MYO18B: variants seen among roughly 807,000 people sequenced by gnomAD.
MYO18B encodes unconventional myosin-XVIIIb.
In MYO18B, 204 loss-of-function variants were observed where a neutral mutation model predicts 273.0. The observed-to-expected ratio is 0.75, with a 90% confidence interval of 0.67 to 0.84. The LOEUF (loss-of-function observed/expected upper bound fraction) is 0.84, where lower values mean the gene tolerates loss of function less well. MYO18B is among the 40% of genes least tolerant of loss of function. The pLI, the probability that MYO18B is intolerant of heterozygous loss-of-function variation, is 0.00. For missense variants in MYO18B, 3,212 were observed against 3,287.6 expected, an observed-to-expected ratio of 0.98 and a Z score of 0.56; for synonymous variants, 1,330 against 1,305.7, an observed-to-expected ratio of 1.02 and a Z score of -0.40.
intron 39 of MYO18B, among the ~76,000 whole-genome samples, chr22:25,960,317 A>G (rs1310059152): frequency 6.6e-6 from 1 of 152,000 alleles, no homozygotes; most frequent in African/African-American, 2.4e-5. Context: ...CAGTAGTTAC[A>G]GGGCCCGGGG....
chr22:25,938,147 G>C (rs1364725512), intron 34 of MYO18B, among the ~76,000 whole-genome samples: 1 of 151,976 alleles, frequency 6.6e-6, no homozygotes, highest in Non-Finnish European at 1.5e-5. Context: ...CAGAAATCCA[G>C]GTTCTAACCA....
At chr22:26,042,635 G>A in the MYO18B span, among the ~76,000 whole-genome samples, 11 of 152,330 alleles carry the variant, frequency 7.2e-5, no homozygotes, top group African/African-American at 2.4e-4. Context: ...GCTAAAGGCT[G>A]TAAATATCAG....
At chr22:25,977,272 G>T (rs1024774111) in intron 39 of MYO18B, among the ~76,000 whole-genome samples, 1 of 146,218 alleles carries the variant, frequency 6.8e-6, no homozygotes, top group African/African-American at 2.6e-5. Context: ...GGGGTGATCC[G>T]ATTTTCCAAC....
chr22:25,921,726 G>GTGTGTGTGTGTGTGTA (rs2092346765), intron 34 of MYO18B, among the ~76,000 whole-genome samples: 6 of 146,208 alleles, frequency 4.1e-5, no homozygotes, highest in South Asian at 2.2e-4. Flanking sequence ...GTGTGTGTGT[G>GTGTGTGTGTGTGTGTA]TGTGTGTGTG....
At chr22:25,847,222 T>G (rs1055340259) in intron 19 of MYO18B, among the ~76,000 whole-genome samples, 1 of 152,208 alleles carries the variant, frequency 6.6e-6, no homozygotes, top group African/African-American at 2.4e-5. Flanking sequence ...TCACTTGCTC[T>G]CTCCATGCCT....
At chr22:25,947,962 G>A in intron 36 of MYO18B, 134 bp downstream of exon 36, 1 of 672,252 alleles carries the variant, frequency 1.5e-6, no homozygotes. Flanking sequence ...GAGATAGTTA[G>A]GAATTGTGCA....
intron 33 of MYO18B, among the ~76,000 whole-genome samples, chr22:25,912,815 G>T (rs1453458977): frequency 6.6e-6 from 1 of 152,130 alleles, no homozygotes; most frequent in African/African-American, 2.4e-5. Flanking sequence ...ATTCCCCGGG[G>T]TTTGAGGTGT....
At chr22:25,936,401 G>A (rs758306106) in intron 34 of MYO18B, among the ~76,000 whole-genome samples, 9 of 152,150 alleles carry the variant, frequency 5.9e-5, no homozygotes, top group Non-Finnish European at 1.3e-4. Flanking sequence ...GTGAAAGGAG[G>A]CCTGCTTTAC....
intron 34 of MYO18B, among the ~76,000 whole-genome samples, chr22:25,943,629 T>G (rs1015172778): frequency 1.3e-5 from 2 of 151,904 alleles, no homozygotes; most frequent in Non-Finnish European, 2.9e-5. Flanking sequence ...TGTCTCTGCC[T>G]CAGGGCCTTT....
At chr22:26,045,854 G>A in the MYO18B span, among the ~76,000 whole-genome samples, 1 of 152,336 alleles carries the variant, frequency 6.6e-6, no homozygotes, top group Non-Finnish European at 1.5e-5. Flanking sequence ...AAGCACATGA[G>A]CAATAAACAG....
intron 12 of MYO18B, among the ~76,000 whole-genome samples, chr22:25,820,998 A>G (rs1569067512): frequency 6.6e-6 from 1 of 152,182 alleles, no homozygotes; most frequent in Non-Finnish European, 1.5e-5. Flanking sequence ...GCCATGAATG[A>G]CAAGACTTCA....
chr22:25,788,751 A>G (rs1160549766), intron 11 of MYO18B, among the ~76,000 whole-genome samples: 3 of 151,934 alleles, frequency 2.0e-5, no homozygotes, highest in Non-Finnish European at 2.9e-5. Flanking sequence ...CCCCCGTACT[A>G]TGATTAATTC....
chr22:26,036,034 C>T (rs1936771384), downstream of MYO18B, among the ~76,000 whole-genome samples: 1 of 152,232 alleles, frequency 6.6e-6, no homozygotes, highest in Non-Finnish European at 1.5e-5. Flanking sequence ...TAAGGCTCTG[C>T]ATTCTTTCCC....
At chr22:26,043,603 C>A in the MYO18B span, among the ~76,000 whole-genome samples, 1 of 150,782 alleles carries the variant, frequency 6.6e-6, no homozygotes, top group Non-Finnish European at 1.5e-5. Context: ...CTCTGCCTCC[C>A]GGGTTCTTGC....
chr22:26,003,572 T>A (rs76777683), intron 41 of MYO18B, among the ~76,000 whole-genome samples: 2,395 of 152,294 alleles, frequency 0.016, 22 homozygotes, highest in Non-Finnish European at 0.024. Context: ...CAGAACAGAC[T>A]TTTTACACTG....
chr22:26,021,305 C>T (rs1935798342), intron 42 of MYO18B, among the ~76,000 whole-genome samples: 1 of 152,174 alleles, frequency 6.6e-6, no homozygotes, highest in Admixed American at 6.5e-5. Flanking sequence ...TATAAATACC[C>T]TTATTCATCA....
intron 1 of MYO18B, among the ~76,000 whole-genome samples, chr22:25,750,470 C>T (rs941324829): frequency 2.0e-5 from 3 of 152,050 alleles, no homozygotes; most frequent in Admixed American, 1.3e-4. Context: ...TTTTTTCCCT[C>T]GCTGTCTGGC....
At chr22:26,048,198 T>C in the MYO18B span, among the ~76,000 whole-genome samples, 1 of 152,212 alleles carries the variant, frequency 6.6e-6, no homozygotes, top group Admixed American at 6.5e-5. Flanking sequence ...CTGTTTCCGC[T>C]ACTACTCAGT....
chr22:25,788,598 A>T (rs982764363), intron 11 of MYO18B, among the ~76,000 whole-genome samples: 3 of 152,190 alleles, frequency 2.0e-5, no homozygotes, highest in Non-Finnish European at 4.4e-5. Flanking sequence ...TGGGGGACAT[A>T]TTTATGAAAA....
Sources: allele counts gnomAD v4.1 joint callset (sites outside exome capture counted in the v4.1 genomes callset), GRCh38; gene constraint gnomAD v4.1.1; transcripts MANE v1.5; gene names NCBI Gene and HGNC (gene_info 2026-07-23, HGNC 2026-07-21).